Variants in SYT16 observed in about 807,000 individuals in gnomAD.
SYT16 encodes the protein synaptotagmin 16.
Under a neutral mutation model 61.4 loss-of-function variants are expected in SYT16, and 42 were observed. That is an observed-to-expected ratio of 0.68 (90% CI 0.53 to 0.89). The LOEUF (loss-of-function observed/expected upper bound fraction) is 0.89, where lower values mean the gene tolerates loss of function less well. SYT16 is among the 40% of genes least tolerant of loss of function. The pLI, the probability that SYT16 is intolerant of heterozygous loss-of-function variation, is 0.00. For missense variants in SYT16, 804 were observed against 807.3 expected (o/e 1.00, Z 0.05); for synonymous variants, 314 against 302.3 (o/e 1.04, Z -0.40).
chr14:61,993,993 A>C (rs1406763030), intron 2 of SYT16, among the ~76,000 whole-genome samples: 2 of 152,274 alleles, frequency 1.3e-5, no homozygotes, highest in East Asian at 3.9e-4. Flanking sequence ...ACCTCATATA[A>C]AATCAGGTTA....
intron 3 of SYT16, among the ~76,000 whole-genome samples, chr14:62,037,721 A>G (rs1419886957): frequency 6.6e-6 from 1 of 152,182 alleles, no homozygotes; most frequent in Non-Finnish European, 1.5e-5. Context: ...TAAAATCTGA[A>G]CGAACCTGAA....
rs184900471 is a variant in SYT16 at position 62,051,702 on chromosome 14, G to A, written c.524-17901G>A. 1.6e-3 allele frequency among the ~76,000 whole-genome samples: 246 copies of A among 152,288 alleles called. No homozygotes were observed. In the Middle Eastern group the frequency reaches 0.02, roughly 13 times the overall value. ...TTTTTAAAGGTTCACTGTATGTATA[G>A]TCTTATATCTCAGTCGATCTTGTTA... On this transcript the variant is annotated intron_variant, in intron 3 of 7. Transcript: ENST00000683842.
chr14:61,896,064 C>T (rs1241491290), intron 1 of SYT16, among the ~76,000 whole-genome samples: 1 of 151,138 alleles, frequency 6.6e-6, no homozygotes, highest in Non-Finnish European at 1.5e-5. Context: ...CTCAACTGGT[C>T]GCTTTGGAGC....
chr14:62,095,853 T>C (rs1232415085), intron 7 of SYT16, among the ~76,000 whole-genome samples: 1 of 151,930 alleles, frequency 6.6e-6, no homozygotes, highest in African/African-American at 2.4e-5. Flanking sequence ...ATAACTAAAA[T>C]AGCTTTTAAA....
intron 1 of SYT16, among the ~76,000 whole-genome samples, chr14:61,886,463 C>T (rs1182054223): frequency 2.0e-5 from 3 of 152,182 alleles, no homozygotes; most frequent in Admixed American, 1.3e-4. Flanking sequence ...TATTCTAAAT[C>T]GTTTGTTGTC....
intron 1 of SYT16, among the ~76,000 whole-genome samples, chr14:61,861,872 A>G (rs575526857): frequency 5.1e-4 from 77 of 152,382 alleles, no homozygotes; most frequent in African/African-American, 1.8e-3. Context: ...TAAGTATACA[A>G]TAGCATCATA....
At chr14:61,916,448 A>AT (rs1436747847) in intron 1 of SYT16, among the ~76,000 whole-genome samples, 1 of 151,530 alleles carries the variant, frequency 6.6e-6, no homozygotes, top group Non-Finnish European at 1.5e-5. Context: ...CCTGCGATTT[A>AT]TTTTTTTTAT....
intron 1 of SYT16, among the ~76,000 whole-genome samples, chr14:61,872,347 C>T (rs942456830): frequency 6.6e-6 from 1 of 151,770 alleles, no homozygotes; most frequent in African/African-American, 2.4e-5. Context: ...GATATCAATC[C>T]TCTTAAATAT....
chr14:61,926,730 G>C (rs2049554953), intron 1 of SYT16, among the ~76,000 whole-genome samples: 2 of 152,010 alleles, frequency 1.3e-5, no homozygotes, highest in East Asian at 3.9e-4. Context: ...AATTTTAAGG[G>C]GACATGAATA....
chr14:61,900,520 G>A (rs1416197618), intron 1 of SYT16, among the ~76,000 whole-genome samples: 2 of 152,188 alleles, frequency 1.3e-5, no homozygotes, highest in Non-Finnish European at 2.9e-5. Flanking sequence ...ATTTATTGGA[G>A]TTGTATTAGG....
chr14:61,883,755 G>T (rs1031573216), intron 1 of SYT16, among the ~76,000 whole-genome samples: 10 of 152,154 alleles, frequency 6.6e-5, no homozygotes, highest in African/African-American at 2.4e-4. Flanking sequence ...AGAAATACCT[G>T]GGTCTGGCTG....
intron 2 of SYT16, 134 bp downstream of exon 2, chr14:61,970,445 G>C (rs1372203301): frequency 1.3e-5 from 2 of 152,208 alleles, no homozygotes; most frequent in Non-Finnish European, 2.9e-5. Flanking sequence ...AGCTCAAGGA[G>C]CAGATGGGAA....
At chr14:61,923,127 G>C (rs569148590) in intron 1 of SYT16, among the ~76,000 whole-genome samples, 1 of 151,768 alleles carries the variant, frequency 6.6e-6, no homozygotes, top group African/African-American at 2.4e-5. Context: ...GGAAGAGAAT[G>C]GCTCTTATAA....
chr14:61,819,353 G>A (rs970392128), intron 1 of SYT16, among the ~76,000 whole-genome samples: 1 of 152,160 alleles, frequency 6.6e-6, no homozygotes, highest in African/African-American at 2.4e-5. Context: ...GTGCTTTCTA[G>A]TAGATTGGAG....
intron 1 of SYT16, among the ~76,000 whole-genome samples, chr14:61,844,784 G>T (rs990511058): frequency 2.2e-4 from 33 of 152,150 alleles, no homozygotes; most frequent in African/African-American, 6.7e-4. Context: ...ATTCCATTTG[G>T]TAATATTTTG....
intron 1 of SYT16, among the ~76,000 whole-genome samples, chr14:61,938,795 A>G (rs2050091901): frequency 6.6e-6 from 1 of 152,190 alleles, no homozygotes. Flanking sequence ...GAGTGTGGAA[A>G]CAGACTCTAA....
intron 3 of SYT16, among the ~76,000 whole-genome samples, chr14:62,057,232 A>G (rs1327099290): frequency 6.6e-6 from 1 of 152,190 alleles, no homozygotes; most frequent in East Asian, 1.9e-4. Context: ...CAGGAACAAT[A>G]CTTTGCATCC....
chr14:62,021,396 C>A (rs1051374374), intron 3 of SYT16, among the ~76,000 whole-genome samples: 1 of 152,028 alleles, frequency 6.6e-6, no homozygotes, highest in African/African-American at 2.4e-5. Flanking sequence ...TAGGAGACAT[C>A]TCATGACCTG....
chr14:62,031,332 G>T (rs548291091), intron 3 of SYT16, among the ~76,000 whole-genome samples: 36 of 152,132 alleles, frequency 2.4e-4, no homozygotes, highest in Non-Finnish European at 4.3e-4. Context: ...TTCACATTTA[G>T]CACAAACACT....
Sources: gnomAD v4.1 joint callset for allele counts (sites outside exome capture counted in the v4.1 genomes callset) on GRCh38, gnomAD v4.1.1 for gene constraint, MANE v1.5 for transcripts, NCBI Gene and HGNC (gene_info 2026-07-23, HGNC 2026-07-21) for gene names.